The following RPTOR variants were observed in gnomAD, a reference collection of about 807,000 sequenced individuals.
RPTOR encodes regulatory-associated protein of mTOR.
RPTOR carries 21 observed loss-of-function variants against 169.9 expected under a neutral mutation model. The ratio of observed to expected loss-of-function variants is 0.12; its 90% CI spans 0.09 to 0.18. The LOEUF (loss-of-function observed/expected upper bound fraction) is 0.18, where lower values mean the gene tolerates loss of function less well. Ranked by LOEUF, RPTOR falls within the 10% of genes least tolerant of loss-of-function variation. The pLI is 1.00. For synonymous variants in RPTOR, 732 were observed against 753.2 expected, an observed-to-expected ratio of 0.97 and a Z score of 0.46; for missense variants, 1,133 against 1,855.9, an observed-to-expected ratio of 0.61 and a Z score of 7.16.
intron 1 of RPTOR, among the ~76,000 whole-genome samples, chr17:80,584,312 T>G (rs985816390): frequency 4.6e-5 from 7 of 151,946 alleles, no homozygotes; most frequent in African/African-American, 1.7e-4. Flanking sequence ...AAGTGCTGAA[T>G]TTTTCTTTGA....
At chr17:80,747,996 G>A (rs1356791414) in intron 5 of RPTOR, among the ~76,000 whole-genome samples, 1 of 150,066 alleles carries the variant, frequency 6.7e-6, no homozygotes, top group Admixed American at 6.6e-5. Flanking sequence ...GTGGCGGGAG[G>A]ACCTGTTGGG....
intron 20 of RPTOR, among the ~76,000 whole-genome samples, chr17:80,899,703 G>GT (rs2068451656): frequency 6.6e-6 from 1 of 152,276 alleles, no homozygotes. Flanking sequence ...GAGACCGCGT[G>GT]TAGGTGAATG....
chr17:80,922,505 G>A (rs2068757714), intron 21 of RPTOR, among the ~76,000 whole-genome samples: 1 of 152,220 alleles, frequency 6.6e-6, no homozygotes, highest in Non-Finnish European at 1.5e-5. Context: ...GCCAGGGCTA[G>A]CCCAGTGGAT....
rs559933074 is a variant in RPTOR at position 80,893,794 on chromosome 17, A to G, written c.2330A>G (p.His777Arg). 1 of 1,584,324 alleles carries G rather than the reference A, an allele frequency of 6.3e-7. No homozygotes were observed. Among genetic ancestry groups the G allele is most frequent in the South Asian group, 1.1e-5 (1 of 88,770 alleles). ...STLGSPENEEHILSFETIDKM... is the reference protein window; with the variant it reads ...STLGSPENEERILSFETIDKM... ...CTGGGCAGCCCCGAGAATGAGGAGCATATCCTGTCCTTCGAGACCATCGAC... is the reference window on the plus strand; with the variant it reads ...CTGGGCAGCCCCGAGAATGAGGAGCGTATCCTGTCCTTCGAGACCATCGAC... Residue 777 changes from histidine (H) to arginine (R), a missense_variant, in exon 20 of 34, where the codon CAT (histidine) becomes CGT (arginine). By Grantham distance (29) the His-to-Arg change is conservative (BLOSUM62 0). Coordinates refer to ENST00000306801, the MANE Select transcript of RPTOR (RefSeq NM_020761.3).
At chr17:80,683,536 A>G (rs1192296755) in intron 3 of RPTOR, among the ~76,000 whole-genome samples, 3 of 152,200 alleles carry the variant, frequency 2.0e-5, no homozygotes, top group Non-Finnish European at 4.4e-5. Context: ...TTTTGCAACC[A>G]TGGATAATTC....
At chr17:80,665,259 C>T (rs187627618) in intron 3 of RPTOR, among the ~76,000 whole-genome samples, 2 of 151,956 alleles carry the variant, frequency 1.3e-5, no homozygotes, top group East Asian at 3.9e-4. Context: ...GGCATGGGAG[C>T]CCCTCATTAC....
chr17:80,715,696 G>A (rs1456915242), intron 4 of RPTOR, among the ~76,000 whole-genome samples: 1 of 113,326 alleles, frequency 8.8e-6, no homozygotes, highest in East Asian at 2.5e-4. Context: ...CTGCACCCTT[G>A]TAGTCTTTTA....
chr17:80,897,712 C>G (rs957891981), intron 20 of RPTOR, among the ~76,000 whole-genome samples: 1 of 152,158 alleles, frequency 6.6e-6, no homozygotes, highest in African/African-American at 2.4e-5. Flanking sequence ...CTGGTTTAGA[C>G]ATTGAGTCTG....
intron 6 of RPTOR, among the ~76,000 whole-genome samples, chr17:80,769,846 G>T (rs890247319): frequency 5.9e-5 from 9 of 152,160 alleles, no homozygotes; most frequent in Non-Finnish European, 1.2e-4. Flanking sequence ...AGGGAGGGCG[G>T]GGTCCGTGAC....
intron 5 of RPTOR, among the ~76,000 whole-genome samples, chr17:80,750,263 C>T (rs754577649): frequency 3.3e-5 from 5 of 152,218 alleles, no homozygotes; most frequent in Non-Finnish European, 5.9e-5. Flanking sequence ...TTAGTTTTTG[C>T]GTAAAGGGCC....
intron 5 of RPTOR, among the ~76,000 whole-genome samples, chr17:80,747,250 TTCTAATACCCC>T: frequency 6.6e-6 from 1 of 152,216 alleles, no homozygotes; most frequent in African/African-American, 2.4e-5. Context: ...AACCTGTTGG[TTCTAATACCCC>T]TAAAGCAAAG....
At chr17:80,893,440 G>A (rs1171733338) in intron 19 of RPTOR, among the ~76,000 whole-genome samples, 2 of 147,144 alleles carry the variant, frequency 1.4e-5, no homozygotes, top group Non-Finnish European at 3.0e-5. Context: ...CAGGGTGTGT[G>A]TACTGGGTGT....
At chr17:80,744,456 GTTA>G (rs1422806722) in intron 5 of RPTOR, among the ~76,000 whole-genome samples, 1 of 97,918 alleles carries the variant, frequency 1.0e-5, no homozygotes, top group Admixed American at 8.8e-5. Context: ...CACTGTCCTG[GTTA>G]CTAGCACAGC....
intron 27 of RPTOR, among the ~76,000 whole-genome samples, 173 bp from the exon 28 acceptor site, chr17:80,949,270 A>ATCTGGGTGC (rs1463836615): frequency 2.6e-5 from 4 of 152,114 alleles, no homozygotes; most frequent in African/African-American, 9.7e-5. Context: ...GGATCTGAGG[A>ATCTGGGTGC]CAGAGTCCAG....
intron 1 of RPTOR, among the ~76,000 whole-genome samples, chr17:80,620,046 T>G (rs1484730747): frequency 6.6e-6 from 1 of 152,126 alleles, no homozygotes; most frequent in Non-Finnish European, 1.5e-5. Flanking sequence ...AGTCAGAACT[T>G]CAGAATCTGA....
At chr17:80,598,027 AG>A (rs1238614787) in intron 1 of RPTOR, among the ~76,000 whole-genome samples, 1 of 152,110 alleles carries the variant, frequency 6.6e-6, no homozygotes, top group Non-Finnish European at 1.5e-5. Flanking sequence ...CTGTAGTCCC[AG>A]CTACTTAGGA....
chr17:80,743,761 GCACTCTCCTGGT>G (rs2066513460), intron 5 of RPTOR, among the ~76,000 whole-genome samples: 1 of 133,774 alleles, frequency 7.5e-6, no homozygotes, highest in South Asian at 2.3e-4. Flanking sequence ...CTGGCTACTA[GCACTCTCCTGGT>G]TACTAGCAGA....
chr17:80,553,750 C>CT (rs60207638), intron 1 of RPTOR, among the ~76,000 whole-genome samples: 92,551 of 149,942 alleles, frequency 0.62, 29,200 homozygotes, highest in Middle Eastern at 0.72. Flanking sequence ...GTTTTTTTTT[C>CT]TTTTTTTTTA....
rs562608799 is a variant in RPTOR, at chr17:80,597,415, G to A, written c.163-28276G>A. ...ATTACTCATCCCTGGGCCAGACTGC[G>A]GTAGCCTGGGGACCAGGTGAAGGAA... On this transcript the variant is annotated intron_variant, in intron 1 of 33. Coordinates refer to ENST00000306801, the MANE Select transcript of RPTOR (RefSeq NM_020761.3). Among the ~76,000 whole-genome samples the A allele has an allele frequency of 2.0e-3, 300 of 152,302 alleles. 1 individual carries two copies. The highest frequency in any genetic ancestry group is 6.9e-3 in the African/African-American group (288 of 41,554).
Sources: allele counts gnomAD v4.1 joint callset (sites outside exome capture counted in the v4.1 genomes callset), GRCh38; gene constraint gnomAD v4.1.1; transcripts MANE v1.5; gene names NCBI Gene and HGNC (gene_info 2026-07-23, HGNC 2026-07-21).